The following SAP130 variants were observed in gnomAD, a reference collection of about 807,000 sequenced individuals.
The protein encoded by SAP130 is Sin3A associated protein 130.
SAP130 carries 16 observed loss-of-function variants against 103.2 expected under a neutral mutation model. The observed-to-expected ratio is 0.16, with a 90% CI of 0.10 to 0.24. The LOEUF (loss-of-function observed/expected upper bound fraction) is 0.24, where lower values mean the gene tolerates loss of function less well. Ranked by LOEUF, SAP130 falls within the 10% of genes least tolerant of loss-of-function variation. SAP130 has a pLI of 1.00. For missense variants in SAP130, 990 were observed against 1,359.7 expected, an observed-to-expected ratio of 0.73 and a Z score of 4.28; for synonymous variants, 477 against 497.0, an observed-to-expected ratio of 0.96 and a Z score of 0.53.
chr2:128,009,958 G>C (rs781322133), intron 7 of SAP130, among the ~76,000 whole-genome samples: 19 of 152,182 alleles, frequency 1.2e-4, no homozygotes, highest in Admixed American at 2.0e-4. Flanking sequence ...CACATTACAT[G>C]AAACTGTAAG....
In SAP130 at chr2:128,027,961, C is replaced by T. The variant is rs989107681; in HGVS notation, c.-28G>A. 63 of 985,582 alleles carry T rather than the reference C, an allele frequency of 6.4e-5. No individual in the cohort carries two copies. The highest frequency in any genetic ancestry group is 5.2e-4 in the Middle Eastern group (1 of 1,936). 61.1% of individuals were successfully genotyped at this position (985,582 alleles called of 1,614,324 possible). On this transcript the variant is annotated 5_prime_UTR_variant, in exon 1 of 21. Coordinates refer to ENST00000643581, the MANE Select transcript of SAP130 (RefSeq NM_001330301.2). ...TTACCTGGGTGCTGCGCCCAGTGGC[C>T]GCCGCGCCGCCTTGAGCTCGCTCCC...
At position 128,000,123 on chromosome 2, in the gene SAP130, C is replaced by T. The variant is rs773989638; in HGVS notation, c.1041G>A (p.Thr347=). The T allele has an allele frequency of 8.7e-6, 14 of 1,613,960 alleles. No homozygotes were observed. Among genetic ancestry groups the T allele is most frequent in the Admixed American group, 6.7e-5 (4 of 59,988 alleles). ...MAQKTIFSTG[T]PVAAATVAPI... The stretch of plus-strand genomic sequence containing the variant: ...GTGCTACTGTGGCTGCAGCCACTGG[C>T]GTGCCAGTACTGAAGATTGTTTTCT... The change falls in exon 9 of 21, where the codon ACG becomes ACA. Residue 347 remains threonine, a synonymous_variant. Transcript: ENST00000643581.
At chr2:127,947,172 G>A (rs1679146809) in intron 18 of SAP130, among the ~76,000 whole-genome samples, 2 of 151,850 alleles carry the variant, frequency 1.3e-5, no homozygotes, top group African/African-American at 4.8e-5. Context: ...AAAGAGACAA[G>A]GAAGGATTCT....
chr2:128,005,542 G>A (rs559084173), intron 7 of SAP130, among the ~76,000 whole-genome samples: 2 of 152,036 alleles, frequency 1.3e-5, no homozygotes, highest in Non-Finnish European at 2.9e-5. Context: ...TTGAACCCGG[G>A]GGGTGGAGAC....
chr2:127,979,690 T>G (rs1005003898), intron 14 of SAP130, among the ~76,000 whole-genome samples: 2 of 152,178 alleles, frequency 1.3e-5, no homozygotes, highest in Non-Finnish European at 2.9e-5. Context: ...TTTTTAATGT[T>G]ATGTATCTCT....
intron 14 of SAP130, among the ~76,000 whole-genome samples, chr2:127,984,791 G>A (rs1001030512): frequency 3.3e-5 from 5 of 152,256 alleles, no homozygotes; most frequent in South Asian, 2.1e-4. Flanking sequence ...TGACCCTAGC[G>A]GACCATCTGC....
At chr2:128,006,839 A>AT (rs1257023306) in intron 7 of SAP130, among the ~76,000 whole-genome samples, 1 of 152,134 alleles carries the variant, frequency 6.6e-6, no homozygotes, top group African/African-American at 2.4e-5. Context: ...AGTGCTTAAA[A>AT]TTTTTTTCTA....
chr2:127,994,686 AAGTCG>A (rs756022836), intron 11 of SAP130, among the ~76,000 whole-genome samples: 1 of 152,164 alleles, frequency 6.6e-6, no homozygotes, highest in Non-Finnish European at 1.5e-5. Context: ...TTGAGCCCGG[AAGTCG>A]AGGCTGCAGT....
intron 2 of SAP130, among the ~76,000 whole-genome samples, chr2:128,022,959 AGCTG>A (rs1170337534): frequency 6.6e-6 from 1 of 151,354 alleles, no homozygotes; most frequent in Non-Finnish European, 1.5e-5. Context: ...CCTCTCAAGT[AGCTG>A]GGACTATAGG....
At chr2:127,984,970 TG>T (rs1386570251) in intron 14 of SAP130, among the ~76,000 whole-genome samples, 1 of 152,230 alleles carries the variant, frequency 6.6e-6, no homozygotes. Context: ...AGGATTTGCC[TG>T]TTGTTGGTCC....
Position 127,950,179 on chromosome 2 carries a change from A to G in SAP130, c.2652T>C (p.Ser884=), listed in dbSNP as rs1559031562. ...CATTACCAATATACTCCTTGGGAGG[A>G]GACTTGCGCTTCTCAGCCTTCACCA... The part of the protein sequence containing the change: ...SLLVKAEKRK[S]PPKEYIDEEG... The change falls in exon 17 of 21, where the codon TCT becomes TCC. Residue 884 remains serine (S), a synonymous_variant. Transcript: ENST00000643581. 1 of 1,614,156 alleles carries G rather than the reference A, an allele frequency of 6.2e-7. No homozygotes were observed. Among genetic ancestry groups the G allele is most frequent in the Non-Finnish European group, 8.5e-7 (1 of 1,180,040 alleles).
At position 127,954,031 on chromosome 2, in the gene SAP130, T is replaced by C. The variant is rs114862164; in HGVS notation, c.2422+955A>G. Among the ~76,000 whole-genome samples, 609 of 152,228 alleles carry C rather than the reference T, an allele frequency of 4.0e-3. 5 individuals are homozygous for C. The highest frequency in any genetic ancestry group is 0.014 in the African/African-American group (574 of 41,538). On this transcript the variant is annotated intron_variant, in intron 16 of 20. Transcript: ENST00000643581. ...AATTCCTGGAATAGACTCCTATAGG[T>C]TGAGGTAGGATTACAGGCAGTTTCC...
rs983972625 is a variant in SAP130 at position 128,003,829 on chromosome 2, A to G, written c.870-3375T>C. ...TATACTTACAGACTCAGCATCCCCAATCCAAAAAGCAGAAATGCTTCAAGG... is the reference window on the plus strand; with the variant it reads ...TATACTTACAGACTCAGCATCCCCAGTCCAAAAAGCAGAAATGCTTCAAGG... On this transcript the variant is annotated intron_variant, in intron 7 of 20. Coordinates refer to ENST00000643581, the MANE Select transcript of SAP130 (RefSeq NM_001330301.2). Among the ~76,000 whole-genome samples the G allele has an allele frequency of 7.9e-5, 12 of 152,132 alleles. No homozygotes were observed. In the East Asian group the frequency reaches 2.1e-3, roughly 27 times the overall value.
intron 15 of SAP130, among the ~76,000 whole-genome samples, chr2:127,970,594 G>A (rs1299209989): frequency 6.7e-6 from 1 of 148,664 alleles, no homozygotes; most frequent in South Asian, 2.2e-4. Context: ...TGCATGCCTG[G>A]AGTCCCAGGT....
Position 128,010,322 on chromosome 2 carries a change from A to G in SAP130, c.816T>C (p.Ala272=), listed in dbSNP as rs372510123. Residue 272 remains alanine, a synonymous_variant, in exon 7 of 21, where the codon GCT becomes GCC. Transcript: ENST00000643581. ...AVVATVSATR[A]QSPVITTTAA... is the part of the protein sequence containing the mutation. ...CTGTCGTAGTGATGACTGGAGACTG[A>G]GCTCTGGTGGCTGAGACAGTTGCTA... 213 of 1,614,028 alleles carry G rather than the reference A, an allele frequency of 1.3e-4. No individual in the cohort carries two copies. The highest frequency in any genetic ancestry group is 1.7e-4 in the Non-Finnish European group (202 of 1,180,010).
intron 14 of SAP130, among the ~76,000 whole-genome samples, chr2:127,982,681 G>T (rs1682040448): frequency 6.6e-6 from 1 of 152,222 alleles, no homozygotes; most frequent in Non-Finnish European, 1.5e-5. Flanking sequence ...TTTCCCTGCT[G>T]CAATTTGCTG....
intron 15 of SAP130, among the ~76,000 whole-genome samples, chr2:127,971,191 C>T (rs1202944723): frequency 6.6e-6 from 1 of 152,076 alleles, no homozygotes; most frequent in African/African-American, 2.4e-5. Flanking sequence ...GGGCTCCCCC[C>T]ATCTGTTGAC....
rs776704624 is a variant in SAP130 at position 127,942,588 on chromosome 2, G to A, written c.2902-51C>T. On this transcript the variant is annotated intron_variant, in intron 19 of 20. Coordinates refer to ENST00000643581, the MANE Select transcript of SAP130 (RefSeq NM_001330301.2). This position sits in a 1 kb window ranked among gnomAD's most constrained non-coding sequence, Gnocchi z 4.8. ...CATAAGCTCGGAAATATTTTTCTAT[G>A]TCAACCCCAGGCAAATGAACCCACC... is the stretch of plus-strand genomic sequence containing the variant. The A allele has an allele frequency of 7.0e-6, 8 of 1,144,522 alleles. No homozygotes were observed. Among genetic ancestry groups the A allele is most frequent in the Middle Eastern group, 4.5e-4 (2 of 4,454 alleles). The allele number at this position is 1,144,522 out of a possible 1,614,324, so 70.9% of individuals were successfully genotyped here. A position where few individuals can be genotyped will look rare whatever the true frequency, so the allele number is the denominator to read the frequency against.
At chr2:127,977,572 A>G (rs946874095) in intron 15 of SAP130, among the ~76,000 whole-genome samples, 8 of 152,238 alleles carry the variant, frequency 5.3e-5, no homozygotes, top group African/African-American at 1.4e-4. Context: ...GGTGTTTGCT[A>G]TAAGGCACAT....
Sources: allele counts gnomAD v4.1 joint callset (sites outside exome capture counted in the v4.1 genomes callset), GRCh38; gene constraint gnomAD v4.1.1; non-coding constraint Gnocchi (gnomAD v3.1); transcripts MANE v1.5; gene names NCBI Gene and HGNC (gene_info 2026-07-23, HGNC 2026-07-21).